The following NFASC variants were observed in gnomAD, a reference collection of about 807,000 sequenced individuals.
The protein encoded by NFASC is neurofascin.
Under a neutral mutation model 147.5 loss-of-function variants are expected in NFASC, and 43 were observed. The observed-to-expected ratio is 0.29, with a 90% confidence interval of 0.23 to 0.38. The LOEUF is 0.38. Ranked by LOEUF, NFASC falls within the 10% of genes least tolerant of loss-of-function variation. NFASC has a pLI of 1.00. For synonymous variants in NFASC, 622 were observed against 665.5 expected, an observed-to-expected ratio of 0.93 and a Z score of 1.01; for missense variants, 1,320 against 1,689.0, an observed-to-expected ratio of 0.78 and a Z score of 3.83.
chr1:204,924,186 C>T (rs1050872237), intron 2 of NFASC, among the ~76,000 whole-genome samples: 90 of 152,300 alleles, frequency 5.9e-4, no homozygotes, highest in Admixed American at 7.2e-4. Context: ...CACCTCCCCT[C>T]CCCCATGCCT....
At chr1:205,003,288 A>C (rs1351954249) in intron 27 of NFASC, among the ~76,000 whole-genome samples, 2 of 152,130 alleles carry the variant, frequency 1.3e-5, no homozygotes, top group African/African-American at 4.8e-5. Flanking sequence ...TTTTGTCCCA[A>C]ATTTGTCTTG....
Position 204,968,053 on chromosome 1 carries a change from C to T in NFASC, c.707-196C>T. 1 of 552,348 alleles carries T rather than the reference C, an allele frequency of 1.8e-6. No individual in the cohort carries two copies. The highest frequency in any genetic ancestry group is 3.3e-6 in the Non-Finnish European group (1 of 306,622). 34.2% of individuals were successfully genotyped at this position (552,348 alleles called of 1,614,324 possible). A position where few individuals can be genotyped will look rare whatever the true frequency, so the allele number is the denominator to read the frequency against. On this transcript the variant is annotated intron_variant, in intron 8 of 29. Coordinates refer to ENST00000339876, the MANE Select transcript of NFASC (RefSeq NM_001005388.3). This position sits in a 1 kb window ranked among gnomAD's most constrained non-coding sequence, Gnocchi z 5.4. Reference sequence around the variant, plus strand: ...CTTTCAGAACCTAGAGCTCCTCTCTCTCATGTAGGTGGGGCTGAGGAGCCC... The same window carrying T: ...CTTTCAGAACCTAGAGCTCCTCTCTTTCATGTAGGTGGGGCTGAGGAGCCC...
At chr1:204,966,487 T>A (rs1331866933) in intron 8 of NFASC, among the ~76,000 whole-genome samples, 1 of 152,208 alleles carries the variant, frequency 6.6e-6, no homozygotes, top group Non-Finnish European at 1.5e-5. Context: ...TTCCTCATAG[T>A]GCCCATGTGT....
At chr1:204,879,592 TC>T (rs1333341504) in intron 1 of NFASC, among the ~76,000 whole-genome samples, 1 of 152,214 alleles carries the variant, frequency 6.6e-6, no homozygotes, top group Non-Finnish European at 1.5e-5. Flanking sequence ...AGATGTGCTT[TC>T]TCATAGGATC....
At chr1:204,991,260 TGTC>T (rs2095726793) in intron 23 of NFASC, 29 bp from the exon 24 acceptor site, 1 of 1,611,274 alleles carries the variant, frequency 6.2e-7, no homozygotes. Context: ...TTTCTCCCTC[TGTC>T]TGGCCATCTT....
At position 204,922,439 on chromosome 1, in the gene NFASC, C is replaced by T. The variant is rs143853710; in HGVS notation, c.-91+1699C>T. 2.3e-3 allele frequency among the ~76,000 whole-genome samples: 353 copies of T among 152,250 alleles called. 1 individual carries two copies. The highest frequency in any genetic ancestry group is 0.014 in the Middle Eastern group (4 of 294). On this transcript the variant is annotated intron_variant, in intron 2 of 29. Transcript: ENST00000339876. ...ACACCACCAGTCTAACCAGCAAAAT[C>T]GAATATCGGTTCTGAGCTTAATCCT...
intron 2 of NFASC, among the ~76,000 whole-genome samples, chr1:204,933,466 G>C (rs780963287): frequency 3.0e-4 from 46 of 152,122 alleles, no homozygotes; most frequent in Non-Finnish European, 5.7e-4. Flanking sequence ...TGGGGCACAT[G>C]ACCCCAATGG....
At chr1:204,853,996 T>C (rs554830782) in intron 1 of NFASC, among the ~76,000 whole-genome samples, 83 of 152,270 alleles carry the variant, frequency 5.5e-4, no homozygotes, top group African/African-American at 1.9e-3. Context: ...CAAGAAAGCC[T>C]CCTGCCTGTC....
intron 2 of NFASC, among the ~76,000 whole-genome samples, chr1:204,930,087 C>T (rs968925726): frequency 1.3e-5 from 2 of 152,154 alleles, no homozygotes; most frequent in African/African-American, 4.8e-5. Flanking sequence ...GCAGCCAAGC[C>T]AGAGCCTCAG....
intron 1 of NFASC, among the ~76,000 whole-genome samples, chr1:204,865,957 C>T (rs1433189842): frequency 6.6e-6 from 1 of 152,102 alleles, no homozygotes; most frequent in East Asian, 1.9e-4. Flanking sequence ...CCATTTGTAC[C>T]ACACCCTTAT....
At chr1:205,012,064 A>G (rs909083435) in intron 28 of NFASC, among the ~76,000 whole-genome samples, 2 of 152,196 alleles carry the variant, frequency 1.3e-5, no homozygotes, top group African/African-American at 2.4e-5. Flanking sequence ...ACAAAAAAAG[A>G]TACATAAAGA....
At chr1:204,940,865 G>A (rs989867969) in intron 2 of NFASC, among the ~76,000 whole-genome samples, 1 of 152,194 alleles carries the variant, frequency 6.6e-6, no homozygotes, top group African/African-American at 2.4e-5. Flanking sequence ...TGTGGGCTGT[G>A]TCCACCCTTT....
At chr1:204,929,815 G>A (rs903096090) in intron 2 of NFASC, among the ~76,000 whole-genome samples, 6 of 152,152 alleles carry the variant, frequency 3.9e-5, no homozygotes, top group African/African-American at 9.7e-5. Flanking sequence ...TTGGTGTTCT[G>A]TCTCTTTGGG....
At chr1:204,870,878 G>A in intron 1 of NFASC, 1 of 1,198,850 alleles carries the variant, frequency 8.3e-7, no homozygotes, top group South Asian at 1.5e-5. Flanking sequence ...ACCCAGGGCA[G>A]GGCTGCTGTG....
intron 24 of NFASC, among the ~76,000 whole-genome samples, chr1:204,993,522 A>G (rs1416220231): frequency 1.3e-5 from 2 of 152,000 alleles, no homozygotes; most frequent in East Asian, 3.9e-4. Context: ...CACCTGGAAA[A>G]CCCTTGGCCG....
rs2095079283 is a variant in NFASC at position 204,968,525 on chromosome 1, C to T, written c.818+165C>T. The T allele has an allele frequency of 3.2e-6, 2 of 626,286 alleles. No homozygotes were observed. Among genetic ancestry groups the T allele is most frequent in the Non-Finnish European group, 5.6e-6 (2 of 356,164 alleles). 38.8% of individuals were successfully genotyped at this position (626,286 alleles called of 1,614,324 possible). ...GGGTGTTGCAAACCATAGTCATCTC[C>T]ATCCTATCCTGGCCATCTCTGTTTT... On this transcript the variant is annotated intron_variant, in intron 9 of 29. Coordinates refer to ENST00000339876, the MANE Select transcript of NFASC (RefSeq NM_001005388.3). The surrounding 1 kb of genome is among the most constrained non-coding windows in gnomAD (Gnocchi z 5.4).
chr1:205,006,461 A>G (rs2096114460), intron 27 of NFASC, among the ~76,000 whole-genome samples: 1 of 152,224 alleles, frequency 6.6e-6, no homozygotes, highest in Non-Finnish European at 1.5e-5. Context: ...GAGGAGGGGT[A>G]GAGTGTGCAA....
intron 2 of NFASC, among the ~76,000 whole-genome samples, chr1:204,926,254 CTT>C (rs1462331150): frequency 2.0e-5 from 3 of 151,024 alleles, no homozygotes; most frequent in Non-Finnish European, 4.4e-5. Context: ...TATTAATAAA[CTT>C]AGTTAATTTA....
In NFASC at chr1:204,997,183, G is replaced by A. The variant is rs376651731; in HGVS notation, c.2796G>A (p.Leu932=). ...TTTCCCTCTCAGCTCCTCCCACATTGCCCCCGACTACCGTGGGTGCGACGG... is the reference window on the plus strand; with the variant it reads ...TTTCCCTCTCAGCTCCTCCCACATTACCCCCGACTACCGTGGGTGCGACGG... ...EATPTAAPPT[L]PPTTVGATGA... The change falls in exon 25 of 30, where the codon TTG becomes TTA. Residue 932 remains leucine (L), a synonymous_variant. Coordinates refer to ENST00000339876, the MANE Select transcript of NFASC (RefSeq NM_001005388.3). The A allele has an allele frequency of 2.5e-6, 4 of 1,610,470 alleles. No homozygotes were observed. The highest frequency in any genetic ancestry group is 3.4e-6 in the Non-Finnish European group (4 of 1,177,294).
Sources: allele counts gnomAD v4.1 joint callset (sites outside exome capture counted in the v4.1 genomes callset), GRCh38; gene constraint gnomAD v4.1.1; non-coding constraint Gnocchi (gnomAD v3.1); transcripts MANE v1.5; gene names NCBI Gene and HGNC (gene_info 2026-07-23, HGNC 2026-07-21).